GRIP1: variants seen among roughly 807,000 people sequenced by gnomAD.
GRIP1 encodes the protein glutamate receptor-interacting protein 1.
GRIP1 carries 45 observed loss-of-function variants against 129.9 expected under a neutral mutation model. The observed-to-expected ratio is 0.35, with a 90% CI of 0.27 to 0.44. GRIP1 has a LOEUF of 0.44. GRIP1 is among the 20% of genes least tolerant of loss of function. The pLI, the probability that GRIP1 is intolerant of heterozygous loss-of-function variation, is 1.00. For missense variants in GRIP1, 1,196 were observed against 1,396.8 expected, an observed-to-expected ratio of 0.86 and a Z score of 2.29; for synonymous variants, 530 against 520.8, an observed-to-expected ratio of 1.02 and a Z score of -0.24.
chr12:66,538,570 A>G (rs2061676271), intron 4 of GRIP1, among the ~76,000 whole-genome samples: 1 of 152,090 alleles, frequency 6.6e-6, no homozygotes, highest in Admixed American at 6.6e-5. Context: ...TGAGATTGGC[A>G]TATTGATATA....
At position 66,797,544 on chromosome 12, in the gene GRIP1, T is replaced by A. The variant is rs527761924; in HGVS notation, c.-420+6509A>T. Among the ~76,000 whole-genome samples, 46 of 152,288 alleles carry A rather than the reference T, an allele frequency of 3.0e-4. 1 individual carries two copies. The highest frequency in any genetic ancestry group is 1.1e-3 in the African/African-American group (46 of 41,556). ...TAGTTTTTTAGTCCCATTAAGAGAA[T>A]TATATTTTGGGAGGATGGGAACTTT... On this transcript the variant is annotated intron_variant, in intron 1 of 4. Coordinates refer to the GRIP1 transcript ENST00000538373.
chr12:66,525,832 G>A (rs1010203337), intron 5 of GRIP1, among the ~76,000 whole-genome samples: 25 of 152,162 alleles, frequency 1.6e-4, no homozygotes, highest in Non-Finnish European at 3.4e-4. Context: ...CTTCAGCAAA[G>A]TCTCAGGATA....
At chr12:66,503,509 C>T (rs148970682) in intron 7 of GRIP1, among the ~76,000 whole-genome samples, 39 of 152,232 alleles carry the variant, frequency 2.6e-4, no homozygotes, top group African/African-American at 8.9e-4. Flanking sequence ...CTTTCTTTCC[C>T]GTTCTAAAGC....
intron 23 of GRIP1, among the ~76,000 whole-genome samples, chr12:66,370,781 T>G (rs1039417843): frequency 6.6e-6 from 1 of 152,222 alleles, no homozygotes; most frequent in African/African-American, 2.4e-5. Context: ...ACATATGCCT[T>G]GGCTAACCCT....
At chr12:66,468,733 G>A (rs980488520) in intron 7 of GRIP1, among the ~76,000 whole-genome samples, 2 of 145,478 alleles carry the variant, frequency 1.4e-5, no homozygotes, top group South Asian at 2.2e-4. Context: ...TTATATTTTT[G>A]TGGTTTTAAT....
chr12:66,380,673 G>C (rs2056065163), intron 19 of GRIP1, among the ~76,000 whole-genome samples: 1 of 152,178 alleles, frequency 6.6e-6, no homozygotes, highest in South Asian at 2.1e-4. Flanking sequence ...TACATTTTGT[G>C]AGAAAAACAT....
intron 1 of GRIP1, among the ~76,000 whole-genome samples, chr12:66,817,201 T>A (rs955401570): frequency 2.0e-5 from 2 of 99,754 alleles, no homozygotes; most frequent in African/African-American, 8.0e-5. Flanking sequence ...ATTTTCAGTA[T>A]GCACACACAC....
intron 1 of GRIP1, among the ~76,000 whole-genome samples, chr12:66,614,767 T>C (rs2064966370): frequency 6.6e-6 from 1 of 152,112 alleles, no homozygotes. Flanking sequence ...ATCTTCACCT[T>C]GTCTTGTATC....
intron 1 of GRIP1, among the ~76,000 whole-genome samples, chr12:66,917,153 T>A (rs2041137026): frequency 6.6e-6 from 1 of 152,234 alleles, no homozygotes; most frequent in African/African-American, 2.4e-5. Flanking sequence ...TTAAAGAGTA[T>A]TTTAAGTTCT....
intron 1 of GRIP1, among the ~76,000 whole-genome samples, chr12:66,698,143 T>G (rs760586526): frequency 2.0e-5 from 3 of 152,192 alleles, no homozygotes; most frequent in Non-Finnish European, 4.4e-5. Context: ...ATGAGACTTG[T>G]GCCACCAGAT....
chr12:66,603,757 TTGTAA>T (rs975613705), intron 1 of GRIP1, among the ~76,000 whole-genome samples: 1 of 152,168 alleles, frequency 6.6e-6, no homozygotes, highest in Non-Finnish European at 1.5e-5. Flanking sequence ...AAGGAAACTG[TTGTAA>T]TGGTATGGTT....
At chr12:66,614,423 T>C (rs2064947439) in intron 1 of GRIP1, among the ~76,000 whole-genome samples, 1 of 152,080 alleles carries the variant, frequency 6.6e-6, no homozygotes, top group Admixed American at 6.6e-5. Flanking sequence ...AACATCTGGA[T>C]CCTCTCTTGC....
chr12:66,797,244 C>G (rs1455716723), intron 1 of GRIP1, among the ~76,000 whole-genome samples: 1 of 152,154 alleles, frequency 6.6e-6, no homozygotes, highest in African/African-American at 2.4e-5. Context: ...AGACTTAACT[C>G]TCTAAATGAA....
intron 24 of GRIP1, 75 bp from the exon 25 acceptor site, chr12:66,349,321 T>C: frequency 8.3e-7 from 1 of 1,211,444 alleles, no homozygotes; most frequent in Non-Finnish European, 1.2e-6. Flanking sequence ...ACATTTCAGG[T>C]GCAACAAGTT....
intron 1 of GRIP1, among the ~76,000 whole-genome samples, chr12:66,719,145 A>G (rs937167450): frequency 2.6e-5 from 4 of 152,168 alleles, no homozygotes; most frequent in African/African-American, 9.7e-5. Context: ...GAAACAAAAC[A>G]TTTTGAAAGC....
At chr12:67,002,346 T>C (rs575022978) in intron 1 of GRIP1, among the ~76,000 whole-genome samples, 5 of 152,294 alleles carry the variant, frequency 3.3e-5, no homozygotes, top group African/African-American at 9.6e-5. Flanking sequence ...CTGACCTAAA[T>C]ATTAAAGGAT....
At chr12:67,003,248 C>G (rs2042578138) in intron 1 of GRIP1, among the ~76,000 whole-genome samples, 1 of 152,188 alleles carries the variant, frequency 6.6e-6, no homozygotes. Context: ...GTTTTACATT[C>G]TAAGTGTCCA....
chr12:66,788,668 T>C (rs575343888), intron 1 of GRIP1, among the ~76,000 whole-genome samples: 1 of 152,230 alleles, frequency 6.6e-6, no homozygotes, highest in East Asian at 1.9e-4. Context: ...GAGGGGCATT[T>C]GCCGGGAGAA....
intron 1 of GRIP1, among the ~76,000 whole-genome samples, chr12:66,819,787 A>T (rs1026054839): frequency 1.3e-5 from 2 of 152,196 alleles, no homozygotes; most frequent in African/African-American, 2.4e-5. Context: ...TCTTGAACCC[A>T]TCAGAGATGT....
Sources: gnomAD v4.1 joint callset for allele counts (sites outside exome capture counted in the v4.1 genomes callset) on GRCh38, gnomAD v4.1.1 for gene constraint, MANE v1.5 for transcripts, NCBI Gene and HGNC (gene_info 2026-07-23, HGNC 2026-07-21) for gene names.